FGD3: variants seen among roughly 807,000 people sequenced by gnomAD.
The protein encoded by FGD3 is FYVE, RhoGEF and PH domain-containing protein 3.
In FGD3, 45 loss-of-function variants were observed where a neutral mutation model predicts 71.8. The observed-to-expected ratio is 0.63, with a 90% confidence interval of 0.49 to 0.80. The LOEUF (loss-of-function observed/expected upper bound fraction) is 0.80. Among genes scored for constraint, FGD3 ranks in the 30% least tolerant of loss-of-function variants. The pLI, the probability that FGD3 is intolerant of heterozygous loss-of-function variation, is 0.00. For synonymous variants in FGD3, 378 were observed against 392.8 expected (o/e 0.96, Z 0.44); for missense variants, 844 against 951.5 (o/e 0.89, Z 1.49).
chr9:93,003,863 A>T lies in FGD3; in HGVS notation c.544-138A>T. 1 of 1,035,986 alleles carries T rather than the reference A, an allele frequency of 9.7e-7. No individual in the cohort carries two copies. The highest frequency in any genetic ancestry group is 1.4e-6 in the Non-Finnish European group (1 of 703,700). 64.2% of individuals were successfully genotyped at this position (1,035,986 alleles called of 1,614,324 possible). ...CAGTTGGATGAAAAGGGAGGACAAT[A>T]ATTCTGAAATTCATTAAGAAAACAC... On this transcript the variant is annotated intron_variant, in intron 4 of 17. Transcript: ENST00000375482. This position sits in a 1 kb window ranked among gnomAD's most constrained non-coding sequence, Gnocchi z 4.1.
At chr9:93,015,564 CCTCA>C (rs973794162) in intron 9 of FGD3, 169 bp from the exon 10 acceptor site, 3 of 471,074 alleles carry the variant, frequency 6.4e-6, no homozygotes, top group African/African-American at 5.9e-5. Context: ...ACTAGAGTCT[CCTCA>C]CTCAAAGATG....
At chr9:93,019,116 C>G (rs1861817098) in intron 11 of FGD3, among the ~76,000 whole-genome samples, 1 of 152,332 alleles carries the variant, frequency 6.6e-6, no homozygotes, top group South Asian at 2.1e-4. Context: ...TCCCAAAGTG[C>G]TGGGATTACA....
chr9:92,964,583 G>A (rs1468908392), intron 1 of FGD3, among the ~76,000 whole-genome samples: 2 of 152,196 alleles, frequency 1.3e-5, no homozygotes, highest in Non-Finnish European at 2.9e-5. Context: ...TGTGGGCCTC[G>A]AATGGCAAGT....
At chr9:92,985,690 C>A (rs1345525469) in intron 3 of FGD3, among the ~76,000 whole-genome samples, 1 of 152,236 alleles carries the variant, frequency 6.6e-6, no homozygotes, top group Non-Finnish European at 1.5e-5. Context: ...GTTGGTCAGG[C>A]TGGTCTCAAA....
chr9:92,960,219 C>A (rs541778305), intron 1 of FGD3, among the ~76,000 whole-genome samples: 1 of 152,110 alleles, frequency 6.6e-6, no homozygotes, highest in South Asian at 2.1e-4. Flanking sequence ...CTCCACTTCC[C>A]ATGCTCTCAT....
chr9:92,960,825 C>T (rs981743832), intron 1 of FGD3, among the ~76,000 whole-genome samples: 13 of 152,068 alleles, frequency 8.5e-5, no homozygotes, highest in African/African-American at 2.9e-4. Context: ...CTGGGCTTCC[C>T]TCCTGGTAAG....
rs541355148 is a variant in FGD3, at chr9:93,003,425, G to A, written c.543+411G>A. Among the ~76,000 whole-genome samples, 75 of 152,330 alleles carry A rather than the reference G, an allele frequency of 4.9e-4. No individual in the cohort carries two copies. Among genetic ancestry groups the A allele is most frequent in the African/African-American group, 1.3e-3 (53 of 41,570 alleles). ...ATTACAGGCGTGAGCCACCACGCCC[G>A]TCCTAGAAACTTATTTTTTGTTTTC... On this transcript the variant is annotated intron_variant, in intron 4 of 17. Transcript: ENST00000375482. This position sits in a 1 kb window ranked among gnomAD's most constrained non-coding sequence, Gnocchi z 4.1.
intron 8 of FGD3, among the ~76,000 whole-genome samples, 190 bp downstream of exon 8, chr9:93,011,462 G>A (rs1861375010): frequency 6.6e-6 from 1 of 152,204 alleles, no homozygotes; most frequent in Non-Finnish European, 1.5e-5. Flanking sequence ...ATAGACCTGT[G>A]TCCTTGGTGA....
In FGD3 at chr9:93,020,334, C is replaced by T; in HGVS notation, c.1404C>T (p.Ile468=). The part of the protein sequence containing the change: ...KEWIQIIQAT[I]EKHKQNSETF... ...GTGTCCAGATCATCCAGGCCACCAT[C>T]GAGAAGCACAAACAGAACAGCGAAA... The change falls in exon 13 of 18, where the codon ATC becomes ATT. Residue 468 remains isoleucine (I), a synonymous_variant. Transcript: ENST00000375482. 5 of 1,612,456 alleles carry T rather than the reference C, an allele frequency of 3.1e-6. No homozygotes were observed. The highest frequency in any genetic ancestry group is 4.2e-6 in the Non-Finnish European group (5 of 1,179,368).
chr9:93,015,666 G>A (rs1861647810), intron 9 of FGD3, 71 bp from the exon 10 acceptor site: 3 of 1,069,262 alleles, frequency 2.8e-6, no homozygotes, highest in South Asian at 2.6e-5. Context: ...TCCCATGTGA[G>A]AAGCTCACTG....
rs191718122 is a variant in FGD3, at chr9:92,962,934, C to T, written c.-217-12304C>T. Among the ~76,000 whole-genome samples the T allele has an allele frequency of 6.8e-3, 864 of 126,754 alleles. 8 individuals carry two copies. Among genetic ancestry groups the T allele is most frequent in the African/African-American group, 0.027 (793 of 29,136 alleles). The allele number at this position is 126,754 out of a possible 152,430, so 83.2% of individuals were successfully genotyped here. ...CAGCCTGGGCAACAGAGTGAGGCTC[C>T]GTCTCAAAAAAAAAAAAAAAAAGAA... On this transcript the variant is annotated intron_variant, in intron 1 of 17. Transcript: ENST00000375482.
chr9:92,979,302 T>C (rs1859897973), intron 3 of FGD3, among the ~76,000 whole-genome samples: 1 of 152,188 alleles, frequency 6.6e-6, no homozygotes, highest in Admixed American at 6.5e-5. Context: ...GTTTGTTGAG[T>C]GTTTTTTATC....
rs754883521 is a variant in FGD3, at chr9:93,034,680, A to C, written c.1925A>C (p.Gln642Pro). 13 of 1,612,298 alleles carry C rather than the reference A, an allele frequency of 8.1e-6. No individual in the cohort carries two copies. Among genetic ancestry groups the C allele is most frequent in the Non-Finnish European group, 1.1e-5 (13 of 1,179,396 alleles). ...GTGCTGCACCTGCAGGGAGGCAGCC[A>C]GGTACGTGTCCCCACCCCACCAGGC... ...PQVLHLQGGS[Q>P]DGRLPRTIPL... Residue 642 changes from glutamine to proline, a missense_variant and splice_region_variant, in exon 17 of 18, where the codon CAG (glutamine) becomes CCG (proline). Gln to Pro is a moderately conservative substitution (Grantham distance 76). Coordinates refer to ENST00000375482, the MANE Select transcript of FGD3 (RefSeq NM_001083536.2).
At position 92,959,779 on chromosome 9, in the gene FGD3, T is replaced by A. The variant is rs534058323; in HGVS notation, c.-218+12050T>A. On this transcript the variant is annotated intron_variant, in intron 1 of 17. Transcript: ENST00000375482. ...TGTCCTTGCTCATTTGTGTGGGTGT[T>A]TTGGAAGGTCGATGGCTGAAGCGAG... is the stretch of plus-strand genomic sequence containing the variant. Among the ~76,000 whole-genome samples, 13 of 151,778 alleles carry A rather than the reference T, an allele frequency of 8.6e-5. No homozygotes were observed. In the East Asian group the frequency reaches 2.5e-3, roughly 29 times the overall value.
chr9:92,987,662 G>A (rs1344086800), intron 3 of FGD3, among the ~76,000 whole-genome samples: 1 of 152,050 alleles, frequency 6.6e-6, no homozygotes, highest in Non-Finnish European at 1.5e-5. Context: ...ATGCTTCCAG[G>A]GAGTTACATC....
chr9:92,996,212 G>C (rs1342918306), intron 3 of FGD3, among the ~76,000 whole-genome samples: 1 of 152,052 alleles, frequency 6.6e-6, no homozygotes, highest in Non-Finnish European at 1.5e-5. Context: ...TTGGGAGGGT[G>C]TTATGTGTCC....
intron 12 of FGD3, 92 bp from the exon 13 acceptor site, chr9:93,020,225 C>A: frequency 1.6e-6 from 2 of 1,240,470 alleles, no homozygotes; most frequent in South Asian, 1.4e-5. Context: ...ACGCCAAGGC[C>A]CGTCCTCGGG....
chr9:93,024,396 G>A (rs1160967103), intron 14 of FGD3, among the ~76,000 whole-genome samples: 1 of 152,214 alleles, frequency 6.6e-6, no homozygotes, highest in Non-Finnish European at 1.5e-5. Flanking sequence ...TTTCCATGGT[G>A]ATGCCCTGGC....
chr9:93,020,217 G>A lies in FGD3; in HGVS notation c.1387-100G>A, dbSNP rs1334443666. 2.4e-5 allele frequency: 27 copies of A among 1,136,576 alleles called. No homozygotes were observed. In the Admixed American group the frequency reaches 5.7e-4, roughly 24 times the overall value. 70.4% of individuals were successfully genotyped at this position (1,136,576 alleles called of 1,614,324 possible). On this transcript the variant is annotated intron_variant, in intron 12 of 17. Transcript: ENST00000375482. The stretch of plus-strand genomic sequence containing the variant: ...GTGGCCTGGGCATTGTTCTGGGAAC[G>A]CCAAGGCCCGTCCTCGGGACAGAGG...
Sources: gnomAD v4.1 joint callset for allele counts (sites outside exome capture counted in the v4.1 genomes callset) on GRCh38, gnomAD v4.1.1 for gene constraint, Gnocchi (gnomAD v3.1) non-coding constraint, MANE v1.5 for transcripts, NCBI Gene and HGNC (gene_info 2026-07-23, HGNC 2026-07-21) for gene names.